Variants in FAM184A observed in about 807,000 individuals in gnomAD.
FAM184A encodes protein FAM184A.
Under a neutral mutation model 143.8 loss-of-function variants are expected in FAM184A, and 99 were observed. That is an observed-to-expected ratio of 0.69 (90% CI 0.58 to 0.81). The LOEUF (loss-of-function observed/expected upper bound fraction) is 0.81. Among genes scored for constraint, FAM184A ranks in the 40% least tolerant of loss-of-function variants. The probability of loss-of-function intolerance (pLI) is 0.00; values close to 1 mark genes in which losing one functional copy is unlikely to be tolerated. For synonymous variants in FAM184A, 427 were observed against 446.4 expected (o/e 0.96, Z 0.55); for missense variants, 1,217 against 1,310.5 (o/e 0.93, Z 1.10).
rs1285738493 is a variant in FAM184A, at chr6:118,961,743, T to G, written c.3341+18A>C. ...GTTAAAAAAGAAAAGAAAAAAACAT[T>G]GGTGAGACGGGTCTCACCTCAAAAA... On this transcript the variant is annotated intron_variant, in intron 17 of 17. Coordinates refer to ENST00000338891, the MANE Select transcript of FAM184A (RefSeq NM_024581.6). 1 of 1,591,384 alleles carries G rather than the reference T, an allele frequency of 6.3e-7. No homozygotes were observed. The highest frequency in any genetic ancestry group is 1.4e-5 in the African/African-American group (1 of 74,060).
At chr6:119,014,835 G>GTGGGAGA in intron 5 of FAM184A, among the ~76,000 whole-genome samples, 1 of 152,214 alleles carries the variant, frequency 6.6e-6, no homozygotes. Context: ...GAGGTGGGAG[G>GTGGGAGA]ATCACTTGAG....
chr6:118,964,255 C>T (rs775459001), intron 16 of FAM184A, among the ~76,000 whole-genome samples: 1 of 152,114 alleles, frequency 6.6e-6, no homozygotes, highest in African/African-American at 2.4e-5. Flanking sequence ...CAACAAAATA[C>T]ATGTCCAACC....
At chr6:119,120,831 T>C (rs867763292) in intron 1 of FAM184A, among the ~76,000 whole-genome samples, 2,167 of 133,880 alleles carry the variant, frequency 0.016, 16 homozygotes, top group Middle Eastern at 0.046. Flanking sequence ...TTTCTTCCTT[T>C]CTTTCTTTCT....
Position 119,115,926 on chromosome 6 carries a change from G to A in FAM184A, c.-202+33152C>T, listed in dbSNP as rs183006810. Among the ~76,000 whole-genome samples the A allele has an allele frequency of 3.6e-4, 55 of 151,746 alleles. 1 individual carries two copies. The highest frequency in any genetic ancestry group is 1.3e-3 in the African/African-American group (53 of 41,312). On this transcript the variant is annotated intron_variant, in intron 1 of 16. Transcript: ENST00000352896. ...GGAGGTTGCAGTGAGCTGAGATGGC[G>A]CCACTGCACTCCAGCCTGGGTGACA...
At chr6:119,058,164 TCTC>T (rs1269912343) in intron 1 of FAM184A, among the ~76,000 whole-genome samples, 7 of 148,710 alleles carry the variant, frequency 4.7e-5, no homozygotes, top group African/African-American at 1.8e-4. Flanking sequence ...AGAGTCCAAT[TCTC>T]CTTCTCTCTT....
chr6:118,975,954 A>G lies in FAM184A; in HGVS notation c.2546T>C (p.Met849Thr), dbSNP rs1028339616. 1.1e-5 allele frequency: 17 copies of G among 1,613,392 alleles called. No individual in the cohort carries two copies. The highest frequency in any genetic ancestry group is 1.4e-5 in the Non-Finnish European group (17 of 1,179,906). ...NHHQELAAAK[M>T]ELERSIDISR... ...GATGTCTATGCTTCTCTCTAATTCC[A>G]TTTTAGCAGCTGCCAATTCTTGATG... The change falls in exon 12 of 18, where the codon ATG becomes ACG. Residue 849 changes from methionine to threonine, a missense_variant. Met to Thr is a moderately conservative substitution (Grantham distance 81). Coordinates refer to ENST00000338891, the MANE Select transcript of FAM184A (RefSeq NM_024581.6).
intron 9 of FAM184A, among the ~76,000 whole-genome samples, chr6:119,001,961 T>C (rs1260694510): frequency 6.6e-6 from 1 of 152,152 alleles, no homozygotes; most frequent in African/African-American, 2.4e-5. Flanking sequence ...GAGTTTCAAG[T>C]GACTGACAAA....
intron 1 of FAM184A, among the ~76,000 whole-genome samples, chr6:119,048,491 G>C (rs142181638): frequency 2.0e-5 from 3 of 152,028 alleles, no homozygotes; most frequent in Non-Finnish European, 2.9e-5. Context: ...CCATAGTCTC[G>C]GGCCAAAAGC....
intron 4 of FAM184A, among the ~76,000 whole-genome samples, chr6:119,019,672 C>T (rs1469745826): frequency 1.3e-5 from 2 of 152,006 alleles, no homozygotes; most frequent in South Asian, 2.1e-4. Flanking sequence ...TAATAGAAAA[C>T]GAATAATGAT....
intron 1 of FAM184A, among the ~76,000 whole-genome samples, chr6:119,071,722 C>T (rs1301859850): frequency 6.6e-6 from 1 of 152,048 alleles, no homozygotes; most frequent in African/African-American, 2.4e-5. Flanking sequence ...AGTGTGGCCA[C>T]CCCCACCTAG....
chr6:119,143,094 T>C (rs1772300283), intron 1 of FAM184A, among the ~76,000 whole-genome samples: 1 of 152,294 alleles, frequency 6.6e-6, no homozygotes, highest in Middle Eastern at 3.4e-3. Context: ...ATTTTCAGCT[T>C]TTAGTTTTCA....
At chr6:119,105,122 G>A (rs1411107173) in intron 1 of FAM184A, among the ~76,000 whole-genome samples, 1 of 152,120 alleles carries the variant, frequency 6.6e-6, no homozygotes, top group Non-Finnish European at 1.5e-5. Flanking sequence ...AAGGATAGTA[G>A]GTAAAAATTT....
intron 6 of FAM184A, among the ~76,000 whole-genome samples, chr6:119,010,110 T>A (rs1410996716): frequency 6.6e-6 from 1 of 152,204 alleles, no homozygotes; most frequent in African/African-American, 2.4e-5. Context: ...ACAAAACTTG[T>A]GTGAACTGGG....
chr6:119,068,906 C>T (rs1252801955), intron 1 of FAM184A: 3 of 204,246 alleles, frequency 1.5e-5, no homozygotes, highest in Admixed American at 5.8e-5. Flanking sequence ...CCAAAAAGAA[C>T]GAAACCAAAT....
chr6:118,990,906 T>A (rs1014475942), intron 9 of FAM184A, among the ~76,000 whole-genome samples: 1 of 151,626 alleles, frequency 6.6e-6, no homozygotes, highest in African/African-American at 2.4e-5. Flanking sequence ...AATAAACAAA[T>A]AAAAAATTAG....
intron 1 of FAM184A, among the ~76,000 whole-genome samples, chr6:119,046,251 T>C (rs2114736669): frequency 6.8e-6 from 1 of 147,472 alleles, no homozygotes; most frequent in South Asian, 2.2e-4. Context: ...TGAGACAGAG[T>C]CTAGCTTTGT....
intron 1 of FAM184A, among the ~76,000 whole-genome samples, chr6:119,122,619 C>T (rs1222116344): frequency 2.0e-5 from 3 of 152,058 alleles, no homozygotes; most frequent in Admixed American, 6.6e-5. Flanking sequence ...GCTTCTTCTC[C>T]ATGTTCAAAA....
intron 1 of FAM184A, among the ~76,000 whole-genome samples, chr6:119,144,232 G>A (rs1339371665): frequency 6.6e-6 from 1 of 151,284 alleles, no homozygotes; most frequent in Non-Finnish European, 1.5e-5. Flanking sequence ...TACTCGAGAG[G>A]CTGAGGCAGG....
chr6:119,025,989 C>A (rs1017034242), intron 1 of FAM184A, among the ~76,000 whole-genome samples: 1 of 152,154 alleles, frequency 6.6e-6, no homozygotes, highest in East Asian at 1.9e-4. Flanking sequence ...AGATCCCACT[C>A]GCTAAAGATA....
Sources: allele counts gnomAD v4.1 joint callset (sites outside exome capture counted in the v4.1 genomes callset), GRCh38; gene constraint gnomAD v4.1.1; transcripts MANE v1.5; gene names NCBI Gene and HGNC (gene_info 2026-07-23, HGNC 2026-07-21).